CUL4A: variants seen among roughly 807,000 people sequenced by gnomAD.
CUL4A encodes the protein cullin-4A.
CUL4A carries 16 observed loss-of-function variants against 95.5 expected under a neutral mutation model. The ratio of observed to expected loss-of-function variants is 0.17; its 90% CI spans 0.11 to 0.25. The LOEUF is 0.25. Among genes scored for constraint, CUL4A ranks in the 10% least tolerant of loss-of-function variants. The pLI, the probability that CUL4A is intolerant of heterozygous loss-of-function variation, is 1.00. For missense variants in CUL4A, 610 were observed against 937.0 expected (o/e 0.65, Z 4.56); for synonymous variants, 380 against 353.1 (o/e 1.08, Z -0.85).
chr13:113,257,308 C>G (rs1260668448), intron 18 of CUL4A, among the ~76,000 whole-genome samples: 4 of 152,016 alleles, frequency 2.6e-5, no homozygotes, highest in African/African-American at 2.4e-5. Context: ...CAAATATAGT[C>G]TCCTTTTCTT....
intron 2 of CUL4A, among the ~76,000 whole-genome samples, chr13:113,216,804 G>A (rs1009175990): frequency 1.3e-5 from 2 of 152,196 alleles, no homozygotes; most frequent in African/African-American, 4.8e-5. Context: ...GGAGTTGGCA[G>A]GGCGGGGAGA....
chr13:113,209,582 G>A (rs1048181839), upstream of CUL4A: 13 of 975,898 alleles, frequency 1.3e-5, no homozygotes, highest in African/African-American at 2.1e-4. Context: ...GCGGAGCTCG[G>A]CGGGCGGCGG....
intron 1 of CUL4A, 93 bp from the exon 2 acceptor site, chr13:113,209,880 G>C: frequency 8.3e-7 from 1 of 1,199,226 alleles, no homozygotes; most frequent in African/African-American, 1.6e-5. Flanking sequence ...GGCCCCGGGA[G>C]CGGGGGCGCC....
At chr13:113,263,370 AT>A in intron 19 of CUL4A, 116 bp from the exon 20 acceptor site, 1 of 402,702 alleles carries the variant, frequency 2.5e-6, no homozygotes, top group East Asian at 3.8e-5. Flanking sequence ...ATAAATATCT[AT>A]TTGTATATAT....
At chr13:113,209,553 G>T (rs2040258611), upstream of CUL4A, 2 of 875,206 alleles carry the variant, frequency 2.3e-6, no homozygotes, top group African/African-American at 3.7e-5. Context: ...CGGAGGCCGC[G>T]CGGACCGGGG....
rs552463518 is a variant in CUL4A, at chr13:113,258,247, C to T, written c.2032-2360C>T. 4.3e-4 allele frequency among the ~76,000 whole-genome samples: 65 copies of T among 152,212 alleles called. No homozygotes were observed. The South Asian group carries it at 8.7e-3, about 20-fold the overall frequency. On this transcript the variant is annotated intron_variant, in intron 18 of 19. Coordinates refer to ENST00000375440, the MANE Select transcript of CUL4A (RefSeq NM_001008895.4). ...CTCAAGCAGTCTTCCTACCTTGACC[C>T]CCCAAAGTGCTGGGATTACAGCCGT...
chr13:113,236,351 G>A (rs1435701165), intron 8 of CUL4A, among the ~76,000 whole-genome samples: 1 of 152,166 alleles, frequency 6.6e-6, no homozygotes, highest in African/African-American at 2.4e-5. Context: ...GGAAGTCCGG[G>A]GGAAATAGTG....
At chr13:113,244,591 C>A in intron 12 of CUL4A, 77 bp downstream of exon 12, 1 of 1,020,044 alleles carries the variant, frequency 9.8e-7, no homozygotes, top group Non-Finnish European at 1.5e-6. Context: ...GGAGGTTTAG[C>A]ATGAGAATGT....
At chr13:113,208,417 G>C (rs889739082), upstream of CUL4A, 1 of 1,485,660 alleles carries the variant, frequency 6.7e-7, no homozygotes, top group South Asian at 1.3e-5. Flanking sequence ...GGGAGAACTC[G>C]GGCCGCCTTC....
chr13:113,261,760 C>T (rs759031643), intron 19 of CUL4A, among the ~76,000 whole-genome samples: 7 of 61,536 alleles, frequency 1.1e-4, no homozygotes, highest in Admixed American at 6.7e-4. Flanking sequence ...CAGACCAGGG[C>T]GCCCGCTCTG....
chr13:113,258,740 T>C (rs2042195927), intron 18 of CUL4A, among the ~76,000 whole-genome samples: 1 of 152,134 alleles, frequency 6.6e-6, no homozygotes, highest in Non-Finnish European at 1.5e-5. Flanking sequence ...GAGGAAAATG[T>C]TAGGATAGAG....
chr13:113,239,315 A>G, intron 9 of CUL4A, 118 bp from the exon 10 acceptor site: 3 of 849,228 alleles, frequency 3.5e-6, no homozygotes, highest in Non-Finnish European at 6.1e-6. Flanking sequence ...AGCGATGTGG[A>G]GACCCGCCCA....
At chr13:113,254,912 C>T (rs764403629) in intron 17 of CUL4A, 41 bp from the exon 18 acceptor site, 32 of 1,605,102 alleles carry the variant, frequency 2.0e-5, no homozygotes, top group East Asian at 2.2e-5. Flanking sequence ...GAGTCTCATT[C>T]GTTTAACGCC....
intron 4 of CUL4A, among the ~76,000 whole-genome samples, chr13:113,228,608 G>T (rs1343012482): frequency 2.6e-5 from 4 of 151,964 alleles, no homozygotes; most frequent in Admixed American, 2.6e-4. Context: ...TGTTGGGAAG[G>T]GTTTGGTGAG....
Position 113,233,147 on chromosome 13 carries a change from A to C in CUL4A, c.513-30A>C, listed in dbSNP as rs747176993. 2.5e-6 allele frequency: 4 copies of C among 1,597,332 alleles called. No homozygotes were observed. The African/African-American group carries it at 5.4e-5, about 21-fold the overall frequency. On this transcript the variant is annotated intron_variant, in intron 5 of 19. Transcript: ENST00000375440. ...ATAACTTCTAAAAAGCGAAACTAAA[A>C]TGTAGTCCTGTTTCTTACTGTCTAT...
chr13:113,208,359 G>A (rs563739615), upstream of CUL4A: 329 of 1,432,508 alleles, frequency 2.3e-4, no homozygotes, highest in African/African-American at 4.5e-3. Flanking sequence ...ACACCGCGAC[G>A]ACTCCGCGAT....
chr13:113,242,438 C>G (rs530490282), intron 10 of CUL4A, among the ~76,000 whole-genome samples: 11 of 152,122 alleles, frequency 7.2e-5, no homozygotes, highest in Non-Finnish European at 1.6e-4. Context: ...ATTTTCCAGT[C>G]GTTTGTAAGT....
At chr13:113,263,439 T>C (rs974771837) in intron 19 of CUL4A, 48 bp from the exon 20 acceptor site, 21 of 1,178,200 alleles carry the variant, frequency 1.8e-5, no homozygotes, top group Non-Finnish European at 2.5e-5. Context: ...TAAATGTTTG[T>C]AAATTTAATG....
chr13:113,253,567 A>T (rs1287583685), intron 16 of CUL4A, among the ~76,000 whole-genome samples: 2 of 151,792 alleles, frequency 1.3e-5, no homozygotes, highest in Non-Finnish European at 1.5e-5. Context: ...CCTAAAAAAT[A>T]AAAAAAAATT....
Sources: allele counts gnomAD v4.1 joint callset (sites outside exome capture counted in the v4.1 genomes callset), GRCh38; gene constraint gnomAD v4.1.1; transcripts MANE v1.5; gene names NCBI Gene and HGNC (gene_info 2026-07-23, HGNC 2026-07-21).